TBX1: variants seen among roughly 807,000 people sequenced by gnomAD.
The protein encoded by TBX1 is T-box transcription factor TBX1.
In TBX1, 16 loss-of-function variants were observed where a neutral mutation model predicts 40.8. That is an observed-to-expected ratio of 0.39 (90% CI 0.27 to 0.60). The LOEUF is 0.60. Among genes scored for constraint, TBX1 ranks in the 20% least tolerant of loss-of-function variants. The probability of loss-of-function intolerance (pLI) is 0.51; values close to 1 mark genes in which losing one functional copy is unlikely to be tolerated. For missense variants in TBX1, 755 were observed against 728.5 expected, an observed-to-expected ratio of 1.04 and a Z score of -0.42; for synonymous variants, 403 against 336.8, an observed-to-expected ratio of 1.20 and a Z score of -2.15.
intron 8 of TBX1, among the ~76,000 whole-genome samples, chr22:19,777,324 C>G (rs1033768194): frequency 6.6e-6 from 1 of 150,892 alleles, no homozygotes; most frequent in African/African-American, 2.4e-5. Flanking sequence ...GGTTTTTTGT[C>G]CTTGCGATAG....
chr22:19,758,609 G>T (rs1936539586), upstream of TBX1, among the ~76,000 whole-genome samples: 1 of 152,204 alleles, frequency 6.6e-6, no homozygotes, highest in African/African-American at 2.4e-5. Context: ...CGACCCAGTG[G>T]CCTGAAGTTC....
chr22:19,760,833 G>GC lies in TBX1; in HGVS notation c.-8dup. On this transcript the variant is annotated 5_prime_UTR_variant, in exon 1 of 7. Coordinates refer to ENST00000649276, the MANE Select transcript of TBX1 (RefSeq NM_001379200.1). ...CTTGGTGGCGGGGGCGGCGGCGGCG[G>GC]CCCGCGGGTCATGATCTCCGCCGTG... 1 of 890,456 alleles carries GC rather than the reference G, an allele frequency of 1.1e-6. No homozygotes were observed. The highest frequency in any genetic ancestry group is 1.3e-6 in the Non-Finnish European group (1 of 743,620). 55.2% of individuals were successfully genotyped at this position (890,456 alleles called of 1,614,324 possible).
chr22:19,765,668 G>C (rs543545408), intron 4 of TBX1, 90 bp from the exon 5 acceptor site: 10 of 1,437,366 alleles, frequency 7.0e-6, no homozygotes, highest in Non-Finnish European at 9.6e-6. Flanking sequence ...CCCTTGGTGC[G>C]CTTCTCCTAA....
downstream of TBX1, chr22:19,783,183 A>T (rs41298850): frequency 1.8e-5 from 12 of 665,270 alleles, no homozygotes; most frequent in South Asian, 1.3e-4. Flanking sequence ...TAAATTCCCG[A>T]CCCACGGAGC....
chr22:19,763,919 C>T (rs566357399), intron 2 of TBX1, among the ~76,000 whole-genome samples: 2 of 152,348 alleles, frequency 1.3e-5, no homozygotes, highest in African/African-American at 4.8e-5. Context: ...GCCTCCCCCT[C>T]TCGGTGCCCC....
At chr22:19,782,067 A>C (rs532893733), downstream of TBX1, among the ~76,000 whole-genome samples, 20 of 152,358 alleles carry the variant, frequency 1.3e-4, no homozygotes, top group African/African-American at 4.8e-5. Flanking sequence ...ATAGCTTTAT[A>C]GTAAATTTTG....
In TBX1 at chr22:19,765,007, A is replaced by C. The variant is rs533732094; in HGVS notation, c.761A>C (p.Tyr254Ser). 5 of 1,614,184 alleles carry C rather than the reference A, an allele frequency of 3.1e-6. No homozygotes were observed. The highest frequency in any genetic ancestry group is 3.3e-5 in the Admixed American group (2 of 60,026). ...HRYQPRFHVV[Y>S]VDPRKDSEKY... ...TACCAGCCCCGCTTCCACGTGGTCT[A>C]TGTGGACCCACGCAAAGATAGCGAG... is the stretch of plus-strand genomic sequence containing the variant. Residue 254 changes from tyrosine to serine, a missense_variant, in exon 4 of 7, where the codon TAT becomes TCT. Tyr to Ser is a moderately radical substitution (Grantham distance 144). This residue lies in a region of TBX1 where 144 missense variants were observed against 238.0 expected (regional missense o/e 0.61). Coordinates refer to ENST00000649276, the MANE Select transcript of TBX1 (RefSeq NM_001379200.1).
upstream of TBX1, among the ~76,000 whole-genome samples, chr22:19,760,405 G>T (rs1302838457): frequency 2.0e-5 from 3 of 149,606 alleles, no homozygotes; most frequent in Non-Finnish European, 4.4e-5. Flanking sequence ...GAAGAAAAAA[G>T]ATGATCGGGA....
chr22:19,770,921 T>C (rs1936979909), downstream of TBX1, among the ~76,000 whole-genome samples: 2 of 152,218 alleles, frequency 1.3e-5, no homozygotes, highest in Admixed American at 1.3e-4. Context: ...GGGGAGAGCA[T>C]GTGGCCCGTG....
chr22:19,764,045 C>A, intron 2 of TBX1, 110 bp from the exon 3 acceptor site: 2 of 1,263,350 alleles, frequency 1.6e-6, no homozygotes, highest in Non-Finnish European at 2.2e-6. Flanking sequence ...AGGGTTCAAT[C>A]TCACAGGTGG....
intron 2 of TBX1, chr22:19,763,674 T>G: frequency 4.7e-6 from 2 of 429,942 alleles, no homozygotes; most frequent in Non-Finnish European, 8.5e-6. Flanking sequence ...GAGCGCCTAG[T>G]CCCCTTCCCC....
At chr22:19,764,477 G>A in intron 3 of TBX1, 151 bp downstream of exon 3, 1 of 1,014,046 alleles carries the variant, frequency 9.9e-7, no homozygotes, top group Non-Finnish European at 1.5e-6. Flanking sequence ...TAGAGTCCCT[G>A]CGAGGCTAGA....
downstream of TBX1, among the ~76,000 whole-genome samples, chr22:19,782,536 T>C (rs1937152062): frequency 6.6e-6 from 1 of 152,226 alleles, no homozygotes; most frequent in South Asian, 2.1e-4. Context: ...TTGGGTTTCA[T>C]GGATGGGAGA....
downstream of TBX1, among the ~76,000 whole-genome samples, chr22:19,781,564 CTATT>C (rs139717638): frequency 0.09 from 13,757 of 152,072 alleles, 796 homozygotes; most frequent in Middle Eastern, 0.14. Context: ...TCCAGTTTGT[CTATT>C]TTTTTCTTTT....
Position 19,779,347 on chromosome 22 carries a change from C to A in TBX1, c.1137C>A (p.Cys379Ter). The change falls in exon 9 of 9, where the codon TGC (cysteine) becomes TGA (stop). Residue 379 changes from cysteine (C) to a stop codon, truncating the protein, a stop_gained. Coordinates refer to the TBX1 transcript ENST00000329705. LOFTEE classifies it low-confidence loss of function (END_TRUNC). ...TGGGGCTCCCCTGCCCCGCAGAGTG[C>A]CAACCCTTCAATACCCAGGGCCTGG... The A allele has an allele frequency of 6.2e-7, 1 of 1,614,168 alleles. No individual in the cohort carries two copies. The highest frequency in any genetic ancestry group is 8.5e-7 in the Non-Finnish European group (1 of 1,180,044).
chr22:19,767,933 G>A (rs2145841695), downstream of TBX1, among the ~76,000 whole-genome samples: 1 of 152,338 alleles, frequency 6.6e-6, no homozygotes, highest in South Asian at 2.1e-4. Context: ...GTGTCCCTAC[G>A]GAGTGACCTG....
At chr22:19,768,397 GGA>G (rs1936926404), downstream of TBX1, among the ~76,000 whole-genome samples, 2 of 152,198 alleles carry the variant, frequency 1.3e-5, no homozygotes, top group Non-Finnish European at 2.9e-5. Context: ...TTGAATGGCA[GGA>G]ACCATTCCCA....
chr22:19,767,867 C>T (rs925011223), downstream of TBX1, among the ~76,000 whole-genome samples: 2 of 152,252 alleles, frequency 1.3e-5, no homozygotes, highest in Non-Finnish European at 2.9e-5. Flanking sequence ...AGCATTTCCC[C>T]TGCCGGCCTA....
At chr22:19,782,667 C>A (rs377733313), downstream of TBX1, among the ~76,000 whole-genome samples, 1 of 152,166 alleles carries the variant, frequency 6.6e-6, no homozygotes, top group African/African-American at 2.4e-5. Flanking sequence ...TGGTCCTGGG[C>A]AGGCTGCCTG....
Sources: gnomAD v4.1 joint callset for allele counts (sites outside exome capture counted in the v4.1 genomes callset) on GRCh38, gnomAD v4.1.1 for gene constraint, gnomAD v4.1.1 regional missense constraint, MANE v1.5 for transcripts, NCBI Gene and HGNC (gene_info 2026-07-23, HGNC 2026-07-21) for gene names.